PSME4: variants seen among roughly 807,000 people sequenced by gnomAD.
PSME4 encodes the protein proteasome activator complex subunit 4.
A neutral mutation model predicts 253.9 loss-of-function variants in PSME4; 89 were observed. That is an observed-to-expected ratio of 0.35 (90% CI 0.30 to 0.42). PSME4 has a LOEUF of 0.42. Ranked by LOEUF, PSME4 falls within the 10% of genes least tolerant of loss-of-function variation. PSME4 has a pLI of 1.00. For missense variants in PSME4, 2,014 were observed against 2,195.2 expected (o/e 0.92, Z 1.65); for synonymous variants, 851 against 759.2 (o/e 1.12, Z -1.99).
intron 3 of PSME4, among the ~76,000 whole-genome samples, chr2:53,945,151 A>C (rs1011190536): frequency 2.0e-5 from 3 of 152,198 alleles, no homozygotes; most frequent in African/African-American, 7.2e-5. Flanking sequence ...GCCCATTTGT[A>C]AAAGCATACC....
intron 41 of PSME4, 66 bp downstream of exon 41, chr2:53,885,624 A>G (rs77599014): frequency 5.8e-6 from 7 of 1,202,388 alleles, no homozygotes; most frequent in South Asian, 1.3e-5. Context: ...CAACCATCAG[A>G]TGATGAACAC....
At position 53,955,585 on chromosome 2, in the gene PSME4, A is replaced by AAT. The variant is rs1322891315; in HGVS notation, c.243-6304_243-6303dup. 1.1e-4 allele frequency among the ~76,000 whole-genome samples: 16 copies of AAT among 152,302 alleles called. No homozygotes were observed. The East Asian group carries it at 1.3e-3, about 13-fold the overall frequency. On this transcript the variant is annotated intron_variant, in intron 1 of 46. Transcript: ENST00000404125. ...TATTTATAAAGCAAGGCTCAAAACA[A>AAT]ATATATATAACTAAATAAAAATACA...
intron 1 of PSME4, among the ~76,000 whole-genome samples, chr2:53,961,267 G>A (rs186940789): frequency 7.9e-5 from 12 of 152,232 alleles, no homozygotes; most frequent in South Asian, 2.1e-4. Context: ...TTTGCTTACC[G>A]TTTTTACTAC....
intron 1 of PSME4, among the ~76,000 whole-genome samples, chr2:53,958,183 CAAAAAAA>C (rs1211892917): frequency 0.09 from 5,891 of 65,760 alleles, 169 homozygotes; most frequent in Middle Eastern, 0.14. Context: ...AAGACTCTGT[CAAAAAAA>C]AAAAAAAAAA....
At chr2:53,868,933 G>T (rs1678737218) in intron 44 of PSME4, among the ~76,000 whole-genome samples, 1 of 152,002 alleles carries the variant, frequency 6.6e-6, no homozygotes, top group South Asian at 2.1e-4. Flanking sequence ...CTCCTGCAAT[G>T]ACTCCGCACC....
Position 53,939,955 on chromosome 2 carries a change from C to T in PSME4, c.545+1G>A. 3 of 1,592,516 alleles carry T rather than the reference C, an allele frequency of 1.9e-6. No individual in the cohort carries two copies. Among genetic ancestry groups the T allele is most frequent in the Non-Finnish European group, 2.6e-6 (3 of 1,163,292 alleles). ...GCTTTATAAATTGAGAAGCTACTTA[C>T]GGTCGGCAGCTTTTCACGAGTGTTT... On this transcript the variant is annotated splice_donor_variant, in intron 4 of 46. Transcript: ENST00000404125. LOFTEE classifies it high-confidence loss of function.
At chr2:53,933,008 G>T in intron 8 of PSME4, 1 of 419,372 alleles carries the variant, frequency 2.4e-6, no homozygotes, top group Non-Finnish European at 4.3e-6. Flanking sequence ...AAAAATACCT[G>T]TCAACTTAGG....
chr2:53,869,265 C>G, intron 44 of PSME4, 111 bp downstream of exon 44: 1 of 1,109,752 alleles, frequency 9.0e-7, no homozygotes, highest in Non-Finnish European at 1.2e-6. Context: ...TTCCCAATAC[C>G]TAGCATAGAC....
At chr2:53,869,277 TG>T in intron 44 of PSME4, 98 bp downstream of exon 44, 1 of 1,218,298 alleles carries the variant, frequency 8.2e-7, no homozygotes, top group Non-Finnish European at 1.1e-6. Context: ...AGCATAGACC[TG>T]GGCACATACA....
intron 37 of PSME4, among the ~76,000 whole-genome samples, chr2:53,889,796 A>G (rs1679819508): frequency 6.6e-6 from 1 of 152,234 alleles, no homozygotes; most frequent in Admixed American, 6.5e-5. Context: ...TTTAAAATGC[A>G]TTACCACAGC....
chr2:53,910,408 A>G (rs1462476512), intron 20 of PSME4, among the ~76,000 whole-genome samples: 2 of 152,232 alleles, frequency 1.3e-5, no homozygotes. Flanking sequence ...AATGTAAAAG[A>G]TTAAATATGA....
At chr2:53,887,207 G>C in intron 40 of PSME4, 52 bp downstream of exon 40, 1 of 1,487,248 alleles carries the variant, frequency 6.7e-7, no homozygotes, top group Non-Finnish European at 9.4e-7. Flanking sequence ...AACTCTACAG[G>C]ATAATCAAAT....
At chr2:53,936,498 A>C (rs1019509688) in intron 6 of PSME4, among the ~76,000 whole-genome samples, 10 of 152,202 alleles carry the variant, frequency 6.6e-5, no homozygotes, top group African/African-American at 2.4e-4. Flanking sequence ...AAACAATGGG[A>C]TCTTACATTT....
In PSME4 at chr2:53,866,081, T is replaced by C; in HGVS notation, c.*4+4A>G. On this transcript the variant is annotated splice_donor_region_variant and intron_variant, in intron 46 of 46. Coordinates refer to ENST00000404125, the MANE Select transcript of PSME4 (RefSeq NM_014614.3). ...AATGTAAATTCAGAACTTTGCTGAC[T>C]TACCTTTCTATGCATAATAGCATGG... The C allele has an allele frequency of 6.2e-7, 1 of 1,605,534 alleles. No homozygotes were observed. Among genetic ancestry groups the C allele is most frequent in the South Asian group, 1.1e-5 (1 of 89,644 alleles).
chr2:53,951,744 A>C (rs570874647), intron 1 of PSME4, among the ~76,000 whole-genome samples: 1 of 152,358 alleles, frequency 6.6e-6, no homozygotes, highest in African/African-American at 2.4e-5. Context: ...TGAGATGCTC[A>C]ATCGGTAAGA....
intron 7 of PSME4, among the ~76,000 whole-genome samples, chr2:53,935,858 TA>T (rs1177928555): frequency 6.6e-6 from 1 of 152,030 alleles, no homozygotes; most frequent in South Asian, 2.1e-4. Flanking sequence ...CTTTACAACA[TA>T]AAATTGTTGT....
Position 53,923,304 on chromosome 2 carries a change from C to CA in PSME4, c.1908+16dup. 2.5e-6 allele frequency: 4 copies of CA among 1,586,878 alleles called. No homozygotes were observed. The highest frequency in any genetic ancestry group is 3.4e-6 in the Non-Finnish European group (4 of 1,171,640). ...TTGTTGAGTCATTAATACATCAGTT[C>CA]AAAAAAATAAACTCACCTTTACAGC... On this transcript the variant is annotated intron_variant, in intron 15 of 46. Transcript: ENST00000404125.
chr2:53,955,299 T>C (rs1670180365), intron 1 of PSME4, among the ~76,000 whole-genome samples: 1 of 152,252 alleles, frequency 6.6e-6, no homozygotes, highest in African/African-American at 2.4e-5. Flanking sequence ...AGACTAAGCT[T>C]GTCCAACCGA....
intron 1 of PSME4, among the ~76,000 whole-genome samples, chr2:53,950,255 G>A (rs1669913030): frequency 6.6e-6 from 1 of 150,924 alleles, no homozygotes; most frequent in African/African-American, 2.4e-5. Flanking sequence ...GCTCCATCTA[G>A]CCTAGGCGAC....
Sources: gnomAD v4.1 joint callset for allele counts (sites outside exome capture counted in the v4.1 genomes callset) on GRCh38, gnomAD v4.1.1 for gene constraint, MANE v1.5 for transcripts, NCBI Gene and HGNC (gene_info 2026-07-23, HGNC 2026-07-21) for gene names.